The following CLEC1B variants were observed in gnomAD, a reference collection of about 807,000 sequenced individuals.
CLEC1B encodes the protein C-type lectin domain family 1 member B, also known as C-type lectin-like receptor 2.
In CLEC1B, 26 loss-of-function variants were observed where a neutral mutation model predicts 26.7. The observed-to-expected ratio is 0.97, with a 90% CI of 0.71 to 1.35. CLEC1B has a LOEUF of 1.35. Among genes scored for constraint, CLEC1B ranks in the 40% most tolerant of loss-of-function variants. The pLI is 0.00. For missense variants in CLEC1B, 293 were observed against 282.6 expected (o/e 1.04, Z -0.26); for synonymous variants, 112 against 96.0 (o/e 1.17, Z -0.97).
chr12:9,995,324 G>C, intron 4 of CLEC1B, 78 bp from the exon 5 acceptor site: 1 of 1,207,920 alleles, frequency 8.3e-7, no homozygotes, highest in Non-Finnish European at 1.2e-6. Flanking sequence ...TTCATGATAA[G>C]ACGTTGGACA....
chr12:9,996,511 G>C (rs143796415), intron 4 of CLEC1B, among the ~76,000 whole-genome samples: 1 of 150,508 alleles, frequency 6.6e-6, no homozygotes, highest in Non-Finnish European at 1.5e-5. Flanking sequence ...TGAGTCCACA[G>C]AAACAGTAAG....
intron 5 of CLEC1B, 45 bp downstream of exon 5, chr12:9,995,095 A>G (rs1379040861): frequency 3.1e-6 from 5 of 1,603,944 alleles, no homozygotes; most frequent in Non-Finnish European, 4.3e-6. Context: ...CTCAAGAATA[A>G]GAGTTTCCAG....
chr12:9,997,380 TGAG>T, intron 2 of CLEC1B, 101 bp from the exon 3 acceptor site: 2 of 1,075,526 alleles, frequency 1.9e-6, no homozygotes, highest in Non-Finnish European at 2.7e-6. Flanking sequence ...TGCCAATATA[TGAG>T]GAGTTTACTA....
At chr12:9,999,389 C>T (rs769912783), upstream of CLEC1B, 15 of 259,190 alleles carry the variant, frequency 5.8e-5, no homozygotes, top group Non-Finnish European at 8.6e-5. Context: ...ATCTTCAACA[C>T]TAAATAAAGG....
upstream of CLEC1B, chr12:9,999,163 T>TC (rs11379994): frequency 0.72 from 759,640 of 1,059,304 alleles, 276,656 homozygotes; most frequent in Admixed American, 0.81. Flanking sequence ...AGTTTCCAAC[T>TC]TTACAATTTC....
At chr12:10,000,388 AT>A (rs1307763360), upstream of CLEC1B, among the ~76,000 whole-genome samples, 1 of 152,198 alleles carries the variant, frequency 6.6e-6, no homozygotes, top group East Asian at 1.9e-4. Context: ...TCTTCAAATT[AT>A]TTTGAGAATG....
In CLEC1B at chr12:9,997,004, G is replaced by C. The variant is rs766613050; in HGVS notation, c.284-4C>G. The C allele has an allele frequency of 6.2e-7, 1 of 1,613,714 alleles. No homozygotes were observed. The highest frequency in any genetic ancestry group is 1.1e-5 in the South Asian group (1 of 90,958). ...CAGGGGCTGCATTTATGACCTTCTGGAGAAACCAAGCACAGGAATGGTGTA... is the reference window on the plus strand; with the variant it reads ...CAGGGGCTGCATTTATGACCTTCTGCAGAAACCAAGCACAGGAATGGTGTA... On this transcript the variant is annotated splice_polypyrimidine_tract_variant and splice_region_variant and intron_variant, in intron 3 of 5. Coordinates refer to ENST00000298527, the MANE Select transcript of CLEC1B (RefSeq NM_016509.4).
Position 9,999,029 on chromosome 12 carries a change from A to C in CLEC1B, c.64+8T>G. On this transcript the variant is annotated splice_region_variant and intron_variant, in intron 1 of 5. Coordinates refer to ENST00000298527, the MANE Select transcript of CLEC1B (RefSeq NM_016509.4). The stretch of plus-strand genomic sequence containing the variant: ...AATTTCCAAATTATTGGCTCTGAGC[A>C]TTCTTACCGGAGATGAGAGCTGGTT... 1 of 1,539,394 alleles carries C rather than the reference A, an allele frequency of 6.5e-7. No homozygotes were observed. Among genetic ancestry groups the C allele is most frequent in the Non-Finnish European group, 9.0e-7 (1 of 1,115,630 alleles).
At chr12:9,998,587 C>G (rs7963119) in intron 1 of CLEC1B, among the ~76,000 whole-genome samples, 22,946 of 83,056 alleles carry the variant, frequency 0.28, 6,752 homozygotes, top group Middle Eastern at 0.34. Context: ...ATCTCCAATG[C>G]ACTTTACCTC....
rs544605 is a variant in CLEC1B, at chr12:9,994,108, T to A, written c.546-821A>T. Among the ~76,000 whole-genome samples, 3 of 151,788 alleles carry A rather than the reference T, an allele frequency of 2.0e-5. No individual in the cohort carries two copies. The South Asian group carries it at 6.2e-4, about 31-fold the overall frequency. On this transcript the variant is annotated intron_variant, in intron 5 of 5. Transcript: ENST00000298527. Reference sequence around the variant, plus strand: ...TTAAGGGAGGCTAATTTAGTTTGGGTAGAGTTAGGTTCACTGAAGAAGTGA... The same window carrying A: ...TTAAGGGAGGCTAATTTAGTTTGGGAAGAGTTAGGTTCACTGAAGAAGTGA...
At position 9,998,307 on chromosome 12, in the gene CLEC1B, G is replaced by A. The variant is rs745683812; in HGVS notation, c.138C>T (p.Val46=). The A allele has an allele frequency of 2.0e-5, 32 of 1,613,912 alleles. No individual in the cohort carries two copies. Among genetic ancestry groups the A allele is most frequent in the East Asian group, 1.1e-4 (5 of 44,852 alleles). The change falls in exon 2 of 6, where the codon GTC becomes GTT. Residue 46 remains valine (V), a synonymous_variant. Transcript: ENST00000298527. Reference sequence around the variant, plus strand: ...ACCAAATCCCCAGAGCCACCAGCCCGACAACCATCCCCACGCACAGGATCA... The same window carrying A: ...ACCAAATCCCCAGAGCCACCAGCCCAACAACCATCCCCACGCACAGGATCA... ...ILLILCVGMV[V]GLVALGIWSV...
Position 9,995,208 on chromosome 12 carries a change from G to A in CLEC1B, c.477C>T (p.Val159=), listed in dbSNP as rs377402728. 26 of 1,612,932 alleles carry A rather than the reference G, an allele frequency of 1.6e-5. No individual in the cohort carries two copies. Among genetic ancestry groups the A allele is most frequent in the African/African-American group, 8.0e-5 (6 of 74,932 alleles). Residue 159 remains valine, a synonymous_variant, in exon 5 of 6, where the codon GTC becomes GTT. Transcript: ENST00000298527. ...IKARTHLIRW[V]GLSRQKSNEV... ...CATTCGACTTCTGGCGAGATAATCC[G>A]ACCCAACGAATTAAATGAGTCCTGG...
In CLEC1B at chr12:9,997,219, T is replaced by C. The variant is rs1271336822; in HGVS notation, c.224A>G (p.Gln75Arg). ...ENENRTGTLQ[Q>R]LAKRFCQYVV... ...ATATTGACAGAAGCGCTTTGCTAAT[T>C]GTTGCAGAGTTCCTGTGCGATTTTC... The change falls in exon 3 of 6, where the codon CAA (glutamine) becomes CGA (arginine). Residue 75 changes from glutamine (Q) to arginine (R), a missense_variant. Transcript: ENST00000298527. 3 of 1,613,956 alleles carry C rather than the reference T, an allele frequency of 1.9e-6. No individual in the cohort carries two copies. The highest frequency in any genetic ancestry group is 2.5e-6 in the Non-Finnish European group (3 of 1,179,900).
intron 1 of CLEC1B, among the ~76,000 whole-genome samples, 166 bp downstream of exon 1, chr12:9,998,871 A>T (rs17734410): frequency 0.023 from 3,483 of 152,306 alleles, 55 homozygotes; most frequent in Non-Finnish European, 0.036. Context: ...TAATCTAAAT[A>T]GGTCTGTATG....
chr12:9,996,940 C>T lies in CLEC1B; in HGVS notation c.344G>A (p.Gly115Glu). The T allele has an allele frequency of 6.2e-7, 1 of 1,614,026 alleles. No homozygotes were observed. Among genetic ancestry groups the T allele is most frequent in the Non-Finnish European group, 8.5e-7 (1 of 1,179,974 alleles). The change falls in exon 4 of 6, where the codon GGG (glycine) becomes GAG (glutamate). Residue 115 changes from glycine (G) to glutamate (E), a missense_variant. Coordinates refer to ENST00000298527, the MANE Select transcript of CLEC1B (RefSeq NM_016509.4). ...NWRYYGDSCYGFFRHNLTWEE... is the reference protein window; with the variant it reads ...NWRYYGDSCYEFFRHNLTWEE... Reference sequence around the variant, plus strand: ...CCATGTTAAGTTGTGCCTGAAGAACCCATAGCAGCTATCTCCATAATATCT... The same window carrying T: ...CCATGTTAAGTTGTGCCTGAAGAACTCATAGCAGCTATCTCCATAATATCT...
chr12:9,993,372 C>T, intron 5 of CLEC1B, 85 bp from the exon 6 acceptor site: 1 of 985,868 alleles, frequency 1.0e-6, no homozygotes, highest in South Asian at 1.3e-5. Context: ...GTTTGATGCA[C>T]CAAATAGAGA....
At position 9,997,202 on chromosome 12, in the gene CLEC1B, A is replaced by C; in HGVS notation, c.241T>G (p.Cys81Gly). 1 of 1,614,014 alleles carries C rather than the reference A, an allele frequency of 6.2e-7. No individual in the cohort carries two copies. The highest frequency in any genetic ancestry group is 8.5e-7 in the Non-Finnish European group (1 of 1,179,942). The change falls in exon 3 of 6, where the codon TGT (cysteine) becomes GGT (glycine). Residue 81 changes from cysteine to glycine, a missense_variant. Physicochemically the swap from Cys to Gly is radical, Grantham distance 159 (BLOSUM62 -3). Coordinates refer to ENST00000298527, the MANE Select transcript of CLEC1B (RefSeq NM_016509.4). ...TCTGATTGTTTTACCACATATTGAC[A>C]GAAGCGCTTTGCTAATTGTTGCAGA... is the stretch of plus-strand genomic sequence containing the variant. The part of the protein sequence containing the change: ...GTLQQLAKRF[C>G]QYVVKQSELK...
intron 1 of CLEC1B, among the ~76,000 whole-genome samples, chr12:9,998,616 T>C (rs1865110359): frequency 8.0e-6 from 1 of 124,274 alleles, no homozygotes; most frequent in Non-Finnish European, 1.8e-5. Flanking sequence ...GAAATATTAC[T>C]TGCTGTTAAG....
At chr12:9,999,304 G>A (rs1268441092), upstream of CLEC1B, 4 of 412,746 alleles carry the variant, frequency 9.7e-6, no homozygotes, top group Non-Finnish European at 1.7e-5. Flanking sequence ...CATGGACCTT[G>A]AACACAAAAA....
Sources: gnomAD v4.1 joint callset for allele counts (sites outside exome capture counted in the v4.1 genomes callset) on GRCh38, gnomAD v4.1.1 for gene constraint, MANE v1.5 for transcripts, NCBI Gene and HGNC (gene_info 2026-07-23, HGNC 2026-07-21) for gene names.